The following ITGBL1 variants were observed in gnomAD, a reference collection of about 807,000 sequenced individuals.
ITGBL1 encodes the protein integrin subunit beta like 1.
ITGBL1 carries 51 observed loss-of-function variants against 68.5 expected under a neutral mutation model. The ratio of observed to expected loss-of-function variants is 0.74; its 90% CI spans 0.59 to 0.94. The LOEUF (loss-of-function observed/expected upper bound fraction) is 0.94, where lower values mean the gene tolerates loss of function less well. Ranked by LOEUF, ITGBL1 falls within the 40% of genes least tolerant of loss-of-function variation. ITGBL1 has a pLI of 0.00. For synonymous variants in ITGBL1, 209 were observed against 227.3 expected (o/e 0.92, Z 0.72); for missense variants, 649 against 647.4 (o/e 1.00, Z -0.03).
At chr13:101,520,928 G>GTAT (rs1303201016) in intron 2 of ITGBL1, among the ~76,000 whole-genome samples, 1 of 152,180 alleles carries the variant, frequency 6.6e-6, no homozygotes, top group Non-Finnish European at 1.5e-5. Flanking sequence ...GGATGATACA[G>GTAT]TATTAACCCA....
chr13:101,477,288 A>G (rs9557667), intron 2 of ITGBL1, among the ~76,000 whole-genome samples: 21,597 of 151,964 alleles, frequency 0.14, 2,031 homozygotes, highest in East Asian at 0.43. Flanking sequence ...AAAATTTCTT[A>G]AAACAAATGG....
At chr13:101,691,114 G>A (rs1482812374) in intron 7 of ITGBL1, among the ~76,000 whole-genome samples, 1 of 152,138 alleles carries the variant, frequency 6.6e-6, no homozygotes, top group African/African-American at 2.4e-5. Context: ...TTGTGCCTTT[G>A]CTTTCACCCT....
intron 7 of ITGBL1, among the ~76,000 whole-genome samples, chr13:101,610,356 T>C (rs2031065791): frequency 6.6e-6 from 1 of 151,968 alleles, no homozygotes; most frequent in South Asian, 2.1e-4. Flanking sequence ...GCCTGTAGAG[T>C]CACATAGCTG....
At chr13:101,617,899 G>A (rs2031429126) in intron 7 of ITGBL1, among the ~76,000 whole-genome samples, 1 of 152,164 alleles carries the variant, frequency 6.6e-6, no homozygotes, top group Non-Finnish European at 1.5e-5. Flanking sequence ...TGAAGCAGTA[G>A]TAACAGTGGT....
At chr13:101,701,209 C>G (rs1009364939) in intron 8 of ITGBL1, among the ~76,000 whole-genome samples, 17 of 152,132 alleles carry the variant, frequency 1.1e-4, no homozygotes, top group Non-Finnish European at 2.2e-4. Context: ...ACCAACTTAA[C>G]TTCGTGGAAG....
intron 7 of ITGBL1, among the ~76,000 whole-genome samples, chr13:101,679,321 A>G (rs1193947378): frequency 6.6e-6 from 1 of 152,216 alleles, no homozygotes; most frequent in African/African-American, 2.4e-5. Context: ...TCATAAAGTA[A>G]TTTTATGGTG....
At chr13:101,568,301 A>G (rs1395276530) in intron 3 of ITGBL1, among the ~76,000 whole-genome samples, 1 of 152,174 alleles carries the variant, frequency 6.6e-6, no homozygotes, top group Non-Finnish European at 1.5e-5. Flanking sequence ...CAGTCACAGA[A>G]AGATTTTTTG....
intron 6 of ITGBL1, 77 bp downstream of exon 6, chr13:101,583,433 A>C: frequency 8.3e-7 from 1 of 1,198,418 alleles, no homozygotes; most frequent in Non-Finnish European, 1.1e-6. Context: ...AAAAAAAGCA[A>C]TTAGAAAGAA....
intron 2 of ITGBL1, among the ~76,000 whole-genome samples, chr13:101,494,634 G>A (rs2048829382): frequency 6.6e-6 from 1 of 152,040 alleles, no homozygotes; most frequent in African/African-American, 2.4e-5. Flanking sequence ...AGTGTTATAG[G>A]CAAATTGTGT....
At chr13:101,514,328 A>G (rs2049162422) in intron 2 of ITGBL1, among the ~76,000 whole-genome samples, 1 of 152,118 alleles carries the variant, frequency 6.6e-6, no homozygotes, top group Non-Finnish European at 1.5e-5. Flanking sequence ...TCATCACTGA[A>G]ATTGCCATGA....
chr13:101,617,340 T>C (rs558385842), intron 7 of ITGBL1, among the ~76,000 whole-genome samples: 1 of 152,004 alleles, frequency 6.6e-6, no homozygotes, highest in African/African-American at 2.4e-5. Flanking sequence ...TTAAGGATAA[T>C]TGGTAACAAG....
intron 7 of ITGBL1, among the ~76,000 whole-genome samples, chr13:101,660,396 G>A (rs1291803763): frequency 6.6e-6 from 1 of 152,092 alleles, no homozygotes; most frequent in African/African-American, 2.4e-5. Context: ...GCAAATGCTG[G>A]TGGGGCCATC....
chr13:101,455,322 G>A (rs1476180223), intron 2 of ITGBL1, among the ~76,000 whole-genome samples: 1 of 152,182 alleles, frequency 6.6e-6, no homozygotes, highest in Non-Finnish European at 1.5e-5. Context: ...GAGGGGCGCA[G>A]GTGCATCTAC....
At chr13:101,464,407 G>A (rs984084961) in intron 2 of ITGBL1, among the ~76,000 whole-genome samples, 1 of 151,884 alleles carries the variant, frequency 6.6e-6, no homozygotes. Context: ...AAGTGTTGAT[G>A]TACTCAGATA....
intron 2 of ITGBL1, among the ~76,000 whole-genome samples, chr13:101,476,754 T>C (rs1420951823): frequency 1.3e-5 from 2 of 152,054 alleles, no homozygotes; most frequent in Non-Finnish European, 2.9e-5. Flanking sequence ...AAGAGGCAAG[T>C]TTATTATGTA....
chr13:101,469,456 T>C (rs542942856), intron 2 of ITGBL1, among the ~76,000 whole-genome samples: 1 of 152,226 alleles, frequency 6.6e-6, no homozygotes, highest in African/African-American at 2.4e-5. Flanking sequence ...CCGAGGCAGG[T>C]GGATCACCTG....
chr13:101,456,300 C>G (rs1211801518), intron 2 of ITGBL1, among the ~76,000 whole-genome samples: 1 of 152,204 alleles, frequency 6.6e-6, no homozygotes, highest in Admixed American at 6.5e-5. Context: ...GAATCTGTCC[C>G]CGCAAATGCC....
At chr13:101,542,096 A>G (rs1435997267) in intron 2 of ITGBL1, among the ~76,000 whole-genome samples, 8 of 152,098 alleles carry the variant, frequency 5.3e-5, no homozygotes, top group Non-Finnish European at 8.8e-5. Flanking sequence ...GCCTTCTGCT[A>G]GCTTTTGAAT....
At chr13:101,500,725 G>A (rs1475349945) in intron 2 of ITGBL1, among the ~76,000 whole-genome samples, 1 of 152,180 alleles carries the variant, frequency 6.6e-6, no homozygotes, top group East Asian at 1.9e-4. Context: ...CTGGTGGGAA[G>A]TAGCATTTTA....
Sources: gnomAD v4.1 joint callset for allele counts (sites outside exome capture counted in the v4.1 genomes callset) on GRCh38, gnomAD v4.1.1 for gene constraint, MANE v1.5 for transcripts, NCBI Gene and HGNC (gene_info 2026-07-23, HGNC 2026-07-21) for gene names.